The following NCAM1 variants were observed in gnomAD, a reference collection of about 807,000 sequenced individuals.
The protein encoded by NCAM1 is antigen recognized by monoclonal antibody 5.1H11.
NCAM1 carries 14 observed loss-of-function variants against 109.8 expected under a neutral mutation model. The ratio of observed to expected loss-of-function variants is 0.13; its 90% CI spans 0.08 to 0.20. NCAM1 has a LOEUF of 0.20. Among genes scored for constraint, NCAM1 ranks in the 10% least tolerant of loss-of-function variants. The pLI is 1.00. For missense variants in NCAM1, 774 were observed against 1,109.9 expected (o/e 0.70, Z 4.30); for synonymous variants, 418 against 442.9 (o/e 0.94, Z 0.70).
intron 1 of NCAM1, among the ~76,000 whole-genome samples, chr11:113,084,302 A>G (rs1436905190): frequency 2.0e-5 from 3 of 152,270 alleles, no homozygotes; most frequent in African/African-American, 4.8e-5. Context: ...CCCCTGTTCT[A>G]TCTATCTAAC....
Position 113,009,313 on chromosome 11 carries a change from T to G in NCAM1, c.52+47649T>G, listed in dbSNP as rs1485056187. On this transcript the variant is annotated intron_variant, in intron 1 of 19. Transcript: ENST00000316851. ...ATTTAATTGGAAGGGTTTTTTCGGGTTTTTTTTTTTTTTTTTTTTTTTTTT... is the reference window on the plus strand; with the variant it reads ...ATTTAATTGGAAGGGTTTTTTCGGGGTTTTTTTTTTTTTTTTTTTTTTTTT... 5.9e-5 allele frequency among the ~76,000 whole-genome samples: 4 copies of G among 67,580 alleles called. 1 individual carries two copies. Among genetic ancestry groups the G allele is most frequent in the South Asian group, 1.2e-3 (2 of 1,730 alleles). The allele number at this position is 67,580 out of a possible 152,430, so 44.3% of individuals were successfully genotyped here.
chr11:113,077,293 G>C (rs1938570822), intron 1 of NCAM1, among the ~76,000 whole-genome samples: 1 of 152,218 alleles, frequency 6.6e-6, no homozygotes, highest in Non-Finnish European at 1.5e-5. Flanking sequence ...TCATGGAGGA[G>C]ATTGTATTTT....
At position 113,235,128 on chromosome 11, in the gene NCAM1, A is replaced by T. The variant is rs1394575361; in HGVS notation, c.1789A>T (p.Ile597Phe). 6 of 1,612,920 alleles carry T rather than the reference A, an allele frequency of 3.7e-6. No homozygotes were observed. The highest frequency in any genetic ancestry group is 5.1e-6 in the Non-Finnish European group (6 of 1,179,476). ...AALNGKGLGE[I>F]SAASEFKTQP... ...GCTCAATGGCAAAGGGCTGGGTGAG[A>T]TCAGCGCGGCCTCCGAGTTCAAGAC... Residue 597 changes from isoleucine (I) to phenylalanine (F), a missense_variant, in exon 14 of 20, where the codon ATC becomes TTC. This residue lies in a region of NCAM1 where 523 missense variants were observed against 784.2 expected (regional missense o/e 0.67). Transcript: ENST00000316851.
At chr11:113,226,212 C>T (rs1944841534) in intron 9 of NCAM1, among the ~76,000 whole-genome samples, 1 of 152,104 alleles carries the variant, frequency 6.6e-6, no homozygotes, top group Admixed American at 6.5e-5. Context: ...GACACACAGG[C>T]TCAAAATAAA....
At chr11:113,116,305 C>T (rs1451724557) in intron 1 of NCAM1, among the ~76,000 whole-genome samples, 1 of 152,062 alleles carries the variant, frequency 6.6e-6, no homozygotes, top group Non-Finnish European at 1.5e-5. Flanking sequence ...AGGCAACTGC[C>T]CTGAAATTTT....
intron 1 of NCAM1, among the ~76,000 whole-genome samples, chr11:113,029,263 G>A (rs1414832627): frequency 1.3e-5 from 2 of 152,154 alleles, no homozygotes; most frequent in African/African-American, 4.8e-5. Flanking sequence ...GAAAGGAGGT[G>A]AGGAATTCAG....
intron 1 of NCAM1, among the ~76,000 whole-genome samples, chr11:113,194,922 T>G (rs1288129718): frequency 6.6e-6 from 1 of 152,182 alleles, no homozygotes; most frequent in Non-Finnish European, 1.5e-5. Context: ...AGGAATGAGA[T>G]AGAATTCTTG....
chr11:113,271,597 C>T, intron 18 of NCAM1, among the ~76,000 whole-genome samples, 163 bp from the exon 19 acceptor site: 1 of 152,086 alleles, frequency 6.6e-6, no homozygotes, highest in East Asian at 1.9e-4. Context: ...ATCTGAAGCT[C>T]AAGGTCACAC....
At chr11:113,013,559 G>A (rs1952129600) in intron 1 of NCAM1, among the ~76,000 whole-genome samples, 1 of 152,032 alleles carries the variant, frequency 6.6e-6, no homozygotes, top group African/African-American at 2.4e-5. Context: ...ACTGCTTCAA[G>A]TCTAAGGAGG....
intron 1 of NCAM1, among the ~76,000 whole-genome samples, chr11:113,111,491 G>T (rs1370689843): frequency 2.0e-5 from 3 of 151,682 alleles, no homozygotes; most frequent in African/African-American, 7.3e-5. Flanking sequence ...AAACAGATCA[G>T]CAGCGTCAGG....
At chr11:113,248,797 C>G (rs1232713565) in intron 15 of NCAM1, among the ~76,000 whole-genome samples, 1 of 152,194 alleles carries the variant, frequency 6.6e-6, no homozygotes, top group Non-Finnish European at 1.5e-5. Flanking sequence ...TGAGCCCTAT[C>G]CTTTATGGTT....
intron 1 of NCAM1, among the ~76,000 whole-genome samples, chr11:112,996,452 T>C (rs973897130): frequency 2.6e-5 from 4 of 152,214 alleles, no homozygotes; most frequent in Admixed American, 6.5e-5. Flanking sequence ...TTCACTGATA[T>C]GACATAACGT....
At chr11:112,975,456 T>C (rs1950982517) in intron 1 of NCAM1, among the ~76,000 whole-genome samples, 1 of 152,084 alleles carries the variant, frequency 6.6e-6, no homozygotes, top group African/African-American at 2.4e-5. Context: ...TTTTTGTTTA[T>C]ACTTGTAATA....
At chr11:113,231,532 C>T (rs572405215) in intron 9 of NCAM1, 113 bp from the exon 10 acceptor site, 18 of 1,121,524 alleles carry the variant, frequency 1.6e-5, no homozygotes, top group Non-Finnish European at 1.9e-5. Flanking sequence ...GGAAGTGAGA[C>T]GGGTCACAGA....
At chr11:113,220,602 C>CTCT (rs1319361444) in intron 8 of NCAM1, among the ~76,000 whole-genome samples, 1 of 75,584 alleles carries the variant, frequency 1.3e-5, no homozygotes, top group South Asian at 4.9e-4. Context: ...CTCTCTCTCT[C>CTCT]TTTTTTTTTT....
chr11:113,061,704 GATC>G (rs1937652928), intron 1 of NCAM1, among the ~76,000 whole-genome samples: 3 of 152,318 alleles, frequency 2.0e-5, no homozygotes, highest in African/African-American at 7.2e-5. Context: ...ATGCAACAAA[GATC>G]ATTTATTCAC....
intron 14 of NCAM1, among the ~76,000 whole-genome samples, chr11:113,239,498 A>ATTTT (rs1591448960): frequency 1.3e-5 from 1 of 78,428 alleles, no homozygotes; most frequent in Admixed American, 2.1e-4. Flanking sequence ...ATGAGTCTCT[A>ATTTT]CTTTTTTTTT....
chr11:113,255,768 A>G (rs1367988235), intron 15 of NCAM1, 109 bp from the exon 16 acceptor site: 5 of 1,255,196 alleles, frequency 4.0e-6, no homozygotes, highest in Non-Finnish European at 5.5e-6. Context: ...TGAATTTCTG[A>G]GAAAGCAAGA....
intron 17 of NCAM1, chr11:113,263,177 T>A: frequency 8.6e-7 from 1 of 1,163,448 alleles, no homozygotes. Flanking sequence ...GAGAGCTCTT[T>A]CTTTAAATGC....
Sources: gnomAD v4.1 joint callset for allele counts (sites outside exome capture counted in the v4.1 genomes callset) on GRCh38, gnomAD v4.1.1 for gene constraint, gnomAD v4.1.1 regional missense constraint, MANE v1.5 for transcripts, NCBI Gene and HGNC (gene_info 2026-07-23, HGNC 2026-07-21) for gene names.